Variants in LANCL2 observed in about 807,000 individuals in gnomAD.
LANCL2 encodes lanC-like protein 2.
In LANCL2, 33 loss-of-function variants were observed where a neutral mutation model predicts 56.9. That is an observed-to-expected ratio of 0.58 (90% confidence interval 0.44 to 0.78). LANCL2 has a LOEUF of 0.78. LANCL2 is among the 30% of genes least tolerant of loss of function. The pLI is 0.00. For synonymous variants in LANCL2, 233 were observed against 228.2 expected, an observed-to-expected ratio of 1.02 and a Z score of -0.19; for missense variants, 562 against 580.2, an observed-to-expected ratio of 0.97 and a Z score of 0.32.
intron 5 of LANCL2, among the ~76,000 whole-genome samples, chr7:55,407,907 C>T (rs573056817): frequency 3.9e-5 from 6 of 152,370 alleles, no homozygotes; most frequent in Non-Finnish European, 8.8e-5. Context: ...TCCGCAGCCC[C>T]TCCGGTGCAC....
chr7:55,376,125 A>C, intron 1 of LANCL2, among the ~76,000 whole-genome samples: 1 of 152,138 alleles, frequency 6.6e-6, no homozygotes, highest in East Asian at 1.9e-4. Context: ...TCTGCCTACC[A>C]TAAAGGTTTC....
At position 55,412,069 on chromosome 7, in the gene LANCL2, A is replaced by G; in HGVS notation, c.988A>G (p.Met330Val). The G allele has an allele frequency of 5.0e-6, 8 of 1,614,090 alleles. No individual in the cohort carries two copies. The highest frequency in any genetic ancestry group is 6.8e-6 in the Non-Finnish European group (8 of 1,179,950). ...WCHGAPGVIH[M>V]LMQAYKVFKE... ...CCACGGCGCCCCGGGGGTCATCCACATGCTCATGCAGGCGTACAAGGTCAG... is the reference window on the plus strand; with the variant it reads ...CCACGGCGCCCCGGGGGTCATCCACGTGCTCATGCAGGCGTACAAGGTCAG... The change falls in exon 6 of 9, where the codon ATG (methionine) becomes GTG (valine). Residue 330 changes from methionine to valine, a missense_variant. Physicochemically the swap from Met to Val is conservative, Grantham distance 21 (BLOSUM62 1). Coordinates refer to ENST00000254770, the MANE Select transcript of LANCL2 (RefSeq NM_018697.4).
chr7:55,390,612 C>G (rs769349882), intron 1 of LANCL2, among the ~76,000 whole-genome samples: 2 of 151,944 alleles, frequency 1.3e-5, no homozygotes, highest in Non-Finnish European at 2.9e-5. Context: ...CTCACCCCAT[C>G]TCTACTAAAA....
intron 5 of LANCL2, among the ~76,000 whole-genome samples, 196 bp from the exon 6 acceptor site, chr7:55,411,711 A>G (rs141643567): frequency 1.6e-4 from 25 of 152,354 alleles, no homozygotes; most frequent in African/African-American, 5.5e-4. Context: ...AAGAGACAAA[A>G]TACACTATAA....
chr7:55,408,588 G>A (rs570433688), intron 5 of LANCL2, among the ~76,000 whole-genome samples: 4 of 152,062 alleles, frequency 2.6e-5, no homozygotes, highest in South Asian at 2.1e-4. Flanking sequence ...AGAATCGCTC[G>A]AACCCGGGAG....
intron 3 of LANCL2, 40 bp from the exon 4 acceptor site, chr7:55,399,917 G>T: frequency 6.4e-7 from 1 of 1,572,706 alleles, no homozygotes; most frequent in South Asian, 1.1e-5. Context: ...AAGTACTTTA[G>T]ACTTCCACTG....
chr7:55,419,915 AG>A (rs1346784132), intron 6 of LANCL2, among the ~76,000 whole-genome samples: 1 of 151,938 alleles, frequency 6.6e-6, no homozygotes, highest in Non-Finnish European at 1.5e-5. Context: ...GCACTTTTGG[AG>A]GCCAAGGTGG....
Position 55,385,014 on chromosome 7 carries a change from C to G in LANCL2, c.205-6779C>G, listed in dbSNP as rs555879710. On this transcript the variant is annotated intron_variant, in intron 1 of 8. Transcript: ENST00000254770. The stretch of plus-strand genomic sequence containing the variant: ...CCAGCCTGGGCAACATAGCAAAACC[C>G]TGTCTCTACACAAAATACAAAAATT... Among the ~76,000 whole-genome samples, 4 of 152,186 alleles carry G rather than the reference C, an allele frequency of 2.6e-5. No homozygotes were observed. The East Asian group carries it at 7.7e-4, about 29-fold the overall frequency.
At chr7:55,415,588 T>C (rs1790526402) in intron 6 of LANCL2, among the ~76,000 whole-genome samples, 1 of 150,500 alleles carries the variant, frequency 6.6e-6, no homozygotes, top group African/African-American at 2.4e-5. Flanking sequence ...ATCACTTAAA[T>C]AAATGTACCA....
intron 1 of LANCL2, among the ~76,000 whole-genome samples, chr7:55,370,815 G>A (rs1371303120): frequency 6.6e-6 from 1 of 152,166 alleles, no homozygotes; most frequent in Non-Finnish European, 1.5e-5. Flanking sequence ...AGCGTGAATG[G>A]CACTGGGGAG....
rs1428140289 is a variant in LANCL2, at chr7:55,398,630, A to G, written c.530A>G (p.Lys177Arg). The G allele has an allele frequency of 1.9e-6, 3 of 1,610,394 alleles. No homozygotes were observed. In the African/African-American group the frequency reaches 4.0e-5, roughly 22 times the overall value. The change falls in exon 3 of 9, where the codon AAA becomes AGA. Residue 177 changes from lysine (K) to arginine (R), a missense_variant and splice_region_variant. Coordinates refer to ENST00000254770, the MANE Select transcript of LANCL2 (RefSeq NM_018697.4). Reference sequence around the variant, plus strand: ...TGTGAGTCCCAGGAATGTGTCACAAAGTGAGTTTTAGAACTGGAAACATTT... The same window carrying G: ...TGTGAGTCCCAGGAATGTGTCACAAGGTGAGTTTTAGAACTGGAAACATTT... ...SDCESQECVT[K>R]LLQLQRSVVC... is the part of the protein sequence containing the mutation.
At chr7:55,374,530 A>G (rs1789979708) in intron 1 of LANCL2, among the ~76,000 whole-genome samples, 1 of 152,220 alleles carries the variant, frequency 6.6e-6, no homozygotes, top group Non-Finnish European at 1.5e-5. Context: ...CTTTACTGTC[A>G]GAAGATATAG....
chr7:55,417,285 G>GT (rs951921879), intron 6 of LANCL2, among the ~76,000 whole-genome samples: 6 of 150,918 alleles, frequency 4.0e-5, no homozygotes, highest in South Asian at 2.1e-4. Flanking sequence ...AGCCTGAGGT[G>GT]TTTTTTTTTA....
chr7:55,410,618 A>G (rs767705962), intron 5 of LANCL2, among the ~76,000 whole-genome samples: 14 of 152,354 alleles, frequency 9.2e-5, no homozygotes, highest in Non-Finnish European at 1.6e-4. Flanking sequence ...CAAGTGAAAA[A>G]TCAGTGGCCA....
chr7:55,384,530 C>T (rs867777045), intron 1 of LANCL2, among the ~76,000 whole-genome samples: 29 of 151,502 alleles, frequency 1.9e-4, no homozygotes, highest in Admixed American at 3.9e-4. Flanking sequence ...CCAGCCTGGA[C>T]GACAGAGCAA....
At chr7:55,402,759 A>C (rs1406643923) in intron 5 of LANCL2, among the ~76,000 whole-genome samples, 2 of 117,966 alleles carry the variant, frequency 1.7e-5, no homozygotes, top group African/African-American at 3.5e-5. Context: ...CTCACTTCTC[A>C]GACGGGGCGG....
chr7:55,368,411 A>G (rs960981740), intron 1 of LANCL2, among the ~76,000 whole-genome samples: 2 of 152,212 alleles, frequency 1.3e-5, no homozygotes, highest in Non-Finnish European at 2.9e-5. Context: ...AAAGAAAGAA[A>G]TGGACATCAT....
rs145141183 is a variant in LANCL2, at chr7:55,412,561, G to A, written c.1008+472G>A. On this transcript the variant is annotated intron_variant, in intron 6 of 8. Coordinates refer to ENST00000254770, the MANE Select transcript of LANCL2 (RefSeq NM_018697.4). ...CATAGTGGTACTCAAATTTGTATAC[G>A]TCTGGGGTACTATAGGAAAATTGGC... Among the ~76,000 whole-genome samples the A allele has an allele frequency of 2.8e-3, 426 of 152,230 alleles. 4 individuals carry two copies. The highest frequency in any genetic ancestry group is 9.4e-3 in the African/African-American group (392 of 41,530).
intron 1 of LANCL2, among the ~76,000 whole-genome samples, chr7:55,370,799 A>G (rs7777403): frequency 0.28 from 41,974 of 152,094 alleles, 6,419 homozygotes; most frequent in Non-Finnish European, 0.35. Context: ...TGACTGGAGA[A>G]GAGGGAGCGT....
Sources: gnomAD v4.1 joint callset for allele counts (sites outside exome capture counted in the v4.1 genomes callset) on GRCh38, gnomAD v4.1.1 for gene constraint, MANE v1.5 for transcripts, NCBI Gene and HGNC (gene_info 2026-07-23, HGNC 2026-07-21) for gene names.